Variants in DNAH9 observed in about 807,000 individuals in gnomAD.
DNAH9 encodes dynein axonemal heavy chain 9.
A neutral mutation model predicts 471.6 loss-of-function variants in DNAH9; 345 were observed. That is an observed-to-expected ratio of 0.73 (90% confidence interval 0.67 to 0.80). The LOEUF is 0.80. DNAH9 is among the 30% of genes least tolerant of loss of function. The pLI is 0.00. For synonymous variants in DNAH9, 2,093 were observed against 2,123.6 expected, an observed-to-expected ratio of 0.99 and a Z score of 0.40; for missense variants, 5,407 against 5,609.2, an observed-to-expected ratio of 0.96 and a Z score of 1.15.
intron 1 of DNAH9, among the ~76,000 whole-genome samples, chr17:11,600,163 G>A (rs1037314201): frequency 6.6e-6 from 1 of 152,168 alleles, no homozygotes; most frequent in African/African-American, 2.4e-5. Flanking sequence ...GAATGGTCTT[G>A]CAACTGTGCA....
rs1020273232 is a variant in DNAH9, at chr17:11,689,052, G to A, written c.3744-514G>A. On this transcript the variant is annotated intron_variant, in intron 19 of 68. Coordinates refer to ENST00000262442, the MANE Select transcript of DNAH9 (RefSeq NM_001372.4). Reference sequence around the variant, plus strand: ...AGAGTTTGCAGTGAGCCGAGATCACGCCACTGCACTCCAGCCTGGGCAACA... The same window carrying A: ...AGAGTTTGCAGTGAGCCGAGATCACACCACTGCACTCCAGCCTGGGCAACA... Among the ~76,000 whole-genome samples, 28 of 151,700 alleles carry A rather than the reference G, an allele frequency of 1.8e-4. 1 individual carries two copies. Among genetic ancestry groups the A allele is most frequent in the South Asian group, 6.3e-4 (3 of 4,800 alleles).
rs1973569934 is a variant in DNAH9 at position 11,905,647 on chromosome 17, T to C, written c.11601-14T>C. The C allele has an allele frequency of 6.2e-7, 1 of 1,612,072 alleles. No homozygotes were observed. Among genetic ancestry groups the C allele is most frequent in the Non-Finnish European group, 8.5e-7 (1 of 1,178,992 alleles). ...TATATATGTATAAATCTATATGTGC[T>C]TTTTTTCTGGCAGAGATTTTGTTGA... On this transcript the variant is annotated splice_polypyrimidine_tract_variant and intron_variant, in intron 60 of 68. Coordinates refer to ENST00000262442, the MANE Select transcript of DNAH9 (RefSeq NM_001372.4).
Position 11,854,431 on chromosome 17 carries a change from G to T in DNAH9, c.9933+3G>T. The T allele has an allele frequency of 6.2e-7, 1 of 1,609,382 alleles. No individual in the cohort carries two copies. Among genetic ancestry groups the T allele is most frequent in the Non-Finnish European group, 8.5e-7 (1 of 1,177,444 alleles). Reference sequence around the variant, plus strand: ...CTGCCATCAAAGCCAAGATCGCTGTGAGTGACCCCAGAGCCCCTCACCCTG... The same window carrying T: ...CTGCCATCAAAGCCAAGATCGCTGTTAGTGACCCCAGAGCCCCTCACCCTG... On this transcript the variant is annotated splice_donor_region_variant and intron_variant, in intron 50 of 68. Coordinates refer to ENST00000262442, the MANE Select transcript of DNAH9 (RefSeq NM_001372.4).
Position 11,892,891 on chromosome 17 carries a change from G to T in DNAH9, c.11283+944G>T, listed in dbSNP as rs1973094560. The stretch of plus-strand genomic sequence containing the variant: ...TTTTACATGTCCCTGTAATCATTTA[G>T]AATTGGGATTTTTTCCAATATGTAA... On this transcript the variant is annotated intron_variant, in intron 58 of 68. Transcript: ENST00000262442. This position sits in a 1 kb window ranked among gnomAD's most constrained non-coding sequence, Gnocchi z 4.3. Among the ~76,000 whole-genome samples, 2 of 151,934 alleles carry T rather than the reference G, an allele frequency of 1.3e-5. No homozygotes were observed. Among genetic ancestry groups the T allele is most frequent in the Admixed American group, 6.6e-5 (1 of 15,246 alleles).
chr17:11,876,951 C>T (rs1304359757), intron 53 of DNAH9, among the ~76,000 whole-genome samples: 1 of 151,808 alleles, frequency 6.6e-6, no homozygotes, highest in Non-Finnish European at 1.5e-5. Flanking sequence ...TGGTCTCGCA[C>T]TCCTGACCTT....
intron 62 of DNAH9, among the ~76,000 whole-genome samples, chr17:11,929,398 A>C (rs1974432741): frequency 6.6e-6 from 1 of 152,092 alleles, no homozygotes; most frequent in African/African-American, 2.4e-5. Flanking sequence ...AGCTTGTTAG[A>C]AATGCACATT....
chr17:11,725,319 A>G (rs576846540), intron 27 of DNAH9, among the ~76,000 whole-genome samples: 1 of 152,254 alleles, frequency 6.6e-6, no homozygotes, highest in Non-Finnish European at 1.5e-5. Context: ...TGTCACCCTC[A>G]TTTTAAGACT....
At position 11,886,808 on chromosome 17, in the gene DNAH9, G is replaced by A. The variant is rs544570949; in HGVS notation, c.10972-17G>A. ...AGGTTGGTTGGAACAGTGGGCTGCTGTTTATTTTTCCAACAGGTCCAGGAG... is the reference window on the plus strand; with the variant it reads ...AGGTTGGTTGGAACAGTGGGCTGCTATTTATTTTTCCAACAGGTCCAGGAG... On this transcript the variant is annotated splice_polypyrimidine_tract_variant and intron_variant, in intron 56 of 68. Coordinates refer to ENST00000262442, the MANE Select transcript of DNAH9 (RefSeq NM_001372.4). 7.5e-6 allele frequency: 12 copies of A among 1,602,650 alleles called. No individual in the cohort carries two copies. Among genetic ancestry groups the A allele is most frequent in the Admixed American group, 3.4e-5 (2 of 58,824 alleles).
chr17:11,813,149 C>T (rs918545968), intron 45 of DNAH9, among the ~76,000 whole-genome samples: 1 of 151,676 alleles, frequency 6.6e-6, no homozygotes, highest in Non-Finnish European at 1.5e-5. Context: ...AAACGAATTT[C>T]TAAAGCCCTC....
intron 61 of DNAH9, among the ~76,000 whole-genome samples, chr17:11,906,582 G>A (rs549087626): frequency 2.0e-5 from 3 of 147,184 alleles, no homozygotes; most frequent in South Asian, 2.1e-4. Flanking sequence ...AGCTGAGACC[G>A]CACTACTGCA....
chr17:11,658,476 T>C (rs2073694824), intron 14 of DNAH9, among the ~76,000 whole-genome samples: 1 of 152,184 alleles, frequency 6.6e-6, no homozygotes, highest in African/African-American at 2.4e-5. Flanking sequence ...TACCTCTTTA[T>C]TTCCAATTTT....
intron 67 of DNAH9, among the ~76,000 whole-genome samples, chr17:11,951,340 G>A (rs1165048423): frequency 6.6e-6 from 1 of 152,166 alleles, no homozygotes; most frequent in Non-Finnish European, 1.5e-5. Context: ...CAAGCAAGTA[G>A]TGCTATTGTA....
At chr17:11,752,673 ATAAAG>A (rs1409838742) in intron 32 of DNAH9, among the ~76,000 whole-genome samples, 155 bp from the exon 33 acceptor site, 3 of 152,214 alleles carry the variant, frequency 2.0e-5, no homozygotes, top group Non-Finnish European at 2.9e-5. Flanking sequence ...CTAAAAAAAA[ATAAAG>A]TAAAATAAAA....
At chr17:11,728,035 C>T (rs1477956551) in intron 28 of DNAH9, 113 bp downstream of exon 28, 3 of 690,814 alleles carry the variant, frequency 4.3e-6, no homozygotes, top group Non-Finnish European at 5.2e-6. Context: ...TTTCCCTTGT[C>T]ATTTCATGCC....
intron 49 of DNAH9, among the ~76,000 whole-genome samples, chr17:11,840,127 A>C (rs1770138237): frequency 6.6e-6 from 1 of 152,244 alleles, no homozygotes; most frequent in Non-Finnish European, 1.5e-5. Flanking sequence ...TATTCATTGC[A>C]GCCTCATTCC....
chr17:11,768,769 A>C, intron 37 of DNAH9, 143 bp downstream of exon 37: 1 of 1,012,582 alleles, frequency 9.9e-7, no homozygotes, highest in South Asian at 1.6e-5. Flanking sequence ...TTTGCAGAGG[A>C]GATGATGGGT....
At chr17:11,829,772 C>G (rs1970624686) in intron 48 of DNAH9, among the ~76,000 whole-genome samples, 1 of 152,174 alleles carries the variant, frequency 6.6e-6, no homozygotes, top group African/African-American at 2.4e-5. Flanking sequence ...CACACCTGGT[C>G]AAAGTTCATA....
Position 11,704,766 on chromosome 17 carries a change from A to G in DNAH9, c.5392-259A>G, listed in dbSNP as rs181427296. Among the ~76,000 whole-genome samples, 734 of 152,192 alleles carry G rather than the reference A, an allele frequency of 4.8e-3. 6 individuals are homozygous for G. Among genetic ancestry groups the G allele is most frequent in the African/African-American group, 0.016 (683 of 41,548 alleles). ...CCCCAGCTAACTTTGTATTTTTAGT[A>G]GAGACGGGGTTTCTCCATGTTGGTC... On this transcript the variant is annotated intron_variant, in intron 25 of 68. Coordinates refer to ENST00000262442, the MANE Select transcript of DNAH9 (RefSeq NM_001372.4).
chr17:11,731,020 GTGA>G (rs1182160678), intron 28 of DNAH9, among the ~76,000 whole-genome samples: 6 of 151,256 alleles, frequency 4.0e-5, no homozygotes, highest in African/African-American at 7.3e-5. Context: ...GATGATGGTG[GTGA>G]TGATGATGGT....
Sources: allele counts gnomAD v4.1 joint callset (sites outside exome capture counted in the v4.1 genomes callset), GRCh38; gene constraint gnomAD v4.1.1; non-coding constraint Gnocchi (gnomAD v3.1); transcripts MANE v1.5; gene names NCBI Gene and HGNC (gene_info 2026-07-23, HGNC 2026-07-21).